CPS1: variants seen among roughly 807,000 people sequenced by gnomAD.
CPS1 encodes carbamoyl-phosphate synthase 1, also known as carbamoyl-phosphate synthase [ammonia], mitochondrial.
Under a neutral mutation model 174.6 loss-of-function variants are expected in CPS1, and 109 were observed. That is an observed-to-expected ratio of 0.62 (90% CI 0.53 to 0.73). The LOEUF (loss-of-function observed/expected upper bound fraction) is 0.73. Ranked by LOEUF, CPS1 falls within the 30% of genes least tolerant of loss-of-function variation. The pLI, the probability that CPS1 is intolerant of heterozygous loss-of-function variation, is 0.00. For missense variants in CPS1, 1,689 were observed against 1,821.9 expected (o/e 0.93, Z 1.33); for synonymous variants, 637 against 632.0 (o/e 1.01, Z -0.12).
At chr2:210,535,165 T>G (rs1011621689) in intron 1 of CPS1, among the ~76,000 whole-genome samples, 2 of 152,208 alleles carry the variant, frequency 1.3e-5, no homozygotes, top group Non-Finnish European at 2.9e-5. Context: ...TCTAGGAGGC[T>G]TCTTAAGCTC....
chr2:210,635,109 A>G (rs934668328), intron 21 of CPS1, among the ~76,000 whole-genome samples: 3 of 151,862 alleles, frequency 2.0e-5, no homozygotes, highest in Admixed American at 2.0e-4. Context: ...ATGCCCAGCT[A>G]GCTTTTTGTA....
chr2:210,639,261 A>G, intron 23 of CPS1, 46 bp downstream of exon 23: 2 of 1,374,996 alleles, frequency 1.5e-6, no homozygotes, highest in South Asian at 1.2e-5. Context: ...TAGATTTCAT[A>G]GACAGTTCAC....
At chr2:210,577,175 G>C (rs892943912) in intron 3 of CPS1, 37 of 538,638 alleles carry the variant, frequency 6.9e-5, no homozygotes, top group Non-Finnish European at 1.2e-4. Flanking sequence ...ATGTCAGAAG[G>C]GGGACCTAGT....
chr2:210,494,388 A>T (rs1232348100), intron 1 of CPS1, among the ~76,000 whole-genome samples: 1 of 152,222 alleles, frequency 6.6e-6, no homozygotes, highest in Non-Finnish European at 1.5e-5. Context: ...TGTGGTGTGT[A>T]TAGAGACCTA....
intron 8 of CPS1, 79 bp from the exon 9 acceptor site, chr2:210,590,721 A>G (rs1698265161): frequency 1.9e-6 from 2 of 1,040,826 alleles, no homozygotes; most frequent in South Asian, 2.6e-5. Flanking sequence ...AGAAAAAAGG[A>G]TACCTCATTT....
At chr2:210,499,234 T>A (rs955162863) in intron 1 of CPS1, among the ~76,000 whole-genome samples, 4 of 151,638 alleles carry the variant, frequency 2.6e-5, no homozygotes, top group Non-Finnish European at 5.9e-5. Flanking sequence ...ATACCTGGAT[T>A]TCTGCCTGGG....
chr2:210,493,843 G>A (rs1419413089), intron 1 of CPS1, among the ~76,000 whole-genome samples: 1 of 151,940 alleles, frequency 6.6e-6, no homozygotes, highest in African/African-American at 2.4e-5. Flanking sequence ...TGTCATTTGG[G>A]GTGATAGTTA....
intron 1 of CPS1, among the ~76,000 whole-genome samples, chr2:210,491,128 A>G (rs973508654): frequency 6.6e-6 from 1 of 152,156 alleles, no homozygotes; most frequent in Admixed American, 6.5e-5. Context: ...TGAATTGTGT[A>G]TTGGCAGGAA....
chr2:210,640,366 CT>C (rs1191143955), intron 24 of CPS1, among the ~76,000 whole-genome samples: 2 of 152,100 alleles, frequency 1.3e-5, no homozygotes, highest in Non-Finnish European at 2.9e-5. Flanking sequence ...AGATTTTGAC[CT>C]GTTATCTTCT....
intron 21 of CPS1, among the ~76,000 whole-genome samples, chr2:210,620,354 C>G (rs748148178): frequency 3.3e-5 from 5 of 151,984 alleles, no homozygotes; most frequent in Admixed American, 6.6e-5. Context: ...AATCAGAAAC[C>G]CTTCTCTTTG....
intron 1 of CPS1, among the ~76,000 whole-genome samples, chr2:210,550,443 G>A (rs1696698348): frequency 6.6e-6 from 1 of 152,082 alleles, no homozygotes; most frequent in Middle Eastern, 3.4e-3. Flanking sequence ...CAACTTACTA[G>A]CTGTGTGACC....
intron 1 of CPS1, among the ~76,000 whole-genome samples, chr2:210,561,977 T>G (rs964540856): frequency 3.3e-5 from 5 of 152,214 alleles, no homozygotes; most frequent in Admixed American, 1.3e-4. Context: ...TAATGCAGAC[T>G]GAAATATAAG....
At chr2:210,532,790 T>A (rs570853484) in intron 1 of CPS1, among the ~76,000 whole-genome samples, 1 of 152,292 alleles carries the variant, frequency 6.6e-6, no homozygotes, top group South Asian at 2.1e-4. Flanking sequence ...TTATATCTGG[T>A]AAGCAGAACT....
intron 34 of CPS1, among the ~76,000 whole-genome samples, chr2:210,671,447 G>C (rs903946219): frequency 6.6e-6 from 1 of 152,134 alleles, no homozygotes; most frequent in Non-Finnish European, 1.5e-5. Flanking sequence ...ATGTGAAAAT[G>C]ATCATTGGAG....
chr2:210,561,972 C>T (rs1697116258), intron 1 of CPS1, among the ~76,000 whole-genome samples: 1 of 152,076 alleles, frequency 6.6e-6, no homozygotes, highest in South Asian at 2.1e-4. Flanking sequence ...TTCTATAATG[C>T]AGACTGAAAT....
At chr2:210,675,499 A>G (rs911483899) in intron 35 of CPS1, among the ~76,000 whole-genome samples, 1 of 152,210 alleles carries the variant, frequency 6.6e-6, no homozygotes, top group East Asian at 1.9e-4. Flanking sequence ...AATTATTAAA[A>G]TGGAAATGCA....
intron 13 of CPS1, among the ~76,000 whole-genome samples, chr2:210,596,280 T>C (rs1453195200): frequency 6.6e-6 from 1 of 151,912 alleles, no homozygotes; most frequent in East Asian, 1.9e-4. Context: ...GGAGTTCAGT[T>C]GGTACCCCTC....
intron 1 of CPS1, among the ~76,000 whole-genome samples, chr2:210,514,082 G>T (rs1179303187): frequency 6.6e-6 from 1 of 151,982 alleles, no homozygotes; most frequent in Non-Finnish European, 1.5e-5. Context: ...TTTTGTTACT[G>T]TAGCTTTATA....
intron 1 of CPS1, among the ~76,000 whole-genome samples, chr2:210,485,241 AAAAAT>A (rs1694683895): frequency 7.1e-6 from 1 of 139,950 alleles, no homozygotes; most frequent in African/African-American, 2.5e-5. Flanking sequence ...CAAAAAAAAA[AAAAAT>A]AAAATAAAAA....
Sources: gnomAD v4.1 joint callset for allele counts (sites outside exome capture counted in the v4.1 genomes callset) on GRCh38, gnomAD v4.1.1 for gene constraint, MANE v1.5 for transcripts, NCBI Gene and HGNC (gene_info 2026-07-23, HGNC 2026-07-21) for gene names.